Variants in DEPDC5 observed in about 807,000 individuals in gnomAD.
The protein encoded by DEPDC5 is GATOR1 complex protein DEPDC5.
Under a neutral mutation model 217.3 loss-of-function variants are expected in DEPDC5, and 73 were observed. The ratio of observed to expected loss-of-function variants is 0.34; its 90% CI spans 0.28 to 0.41. The LOEUF (loss-of-function observed/expected upper bound fraction) is 0.41. Among genes scored for constraint, DEPDC5 ranks in the 10% least tolerant of loss-of-function variants. The pLI, the probability that DEPDC5 is intolerant of heterozygous loss-of-function variation, is 1.00. For synonymous variants in DEPDC5, 733 were observed against 756.7 expected (o/e 0.97, Z 0.51); for missense variants, 1,675 against 2,070.1 (o/e 0.81, Z 3.70).
intron 36 of DEPDC5, 47 bp from the exon 37 acceptor site, chr22:31,876,110 C>T: frequency 6.3e-7 from 1 of 1,584,388 alleles, no homozygotes; most frequent in Non-Finnish European, 8.7e-7. Context: ...GCTGCCCCTT[C>T]AAGATGCCTC....
chr22:31,862,894 G>A (rs1191299510), intron 33 of DEPDC5, among the ~76,000 whole-genome samples: 2 of 152,198 alleles, frequency 1.3e-5, no homozygotes, highest in African/African-American at 2.4e-5. Context: ...AACATTGGTT[G>A]ATCCTTTTCA....
chr22:31,765,328 T>C lies in DEPDC5; in HGVS notation c.279+268T>C, dbSNP rs944293709. On this transcript the variant is annotated intron_variant, in intron 5 of 42. Transcript: ENST00000651528. Reference sequence around the variant, plus strand: ...TTTTTTTGAAATGGAGTATCACTGTTGCCCAGGCTGGAGTGCAGTGGCGTG... The same window carrying C: ...TTTTTTTGAAATGGAGTATCACTGTCGCCCAGGCTGGAGTGCAGTGGCGTG... Among the ~76,000 whole-genome samples the C allele has an allele frequency of 5.9e-5, 9 of 152,212 alleles. 1 individual carries two copies. Among genetic ancestry groups the C allele is most frequent in the African/African-American group, 2.2e-4 (9 of 41,552 alleles).
intron 39 of DEPDC5, 164 bp downstream of exon 39, chr22:31,893,915 A>G: frequency 3.7e-6 from 3 of 802,668 alleles, no homozygotes; most frequent in Non-Finnish European, 3.6e-6. Context: ...CATAGTAAAA[A>G]TTTTAAGCAA....
rs999501736 is a variant in DEPDC5, at chr22:31,757,818, C to T, written c.59-728C>T. Among the ~76,000 whole-genome samples the T allele has an allele frequency of 7.2e-5, 11 of 152,162 alleles. No individual in the cohort carries two copies. In the South Asian group the frequency reaches 1.9e-3, roughly 26 times the overall value. ...TCTTTCTGTCACTCAGGCTGGAGTGCAGTGGTGTGATTTCGGCTCACTGTA... is the reference window on the plus strand; with the variant it reads ...TCTTTCTGTCACTCAGGCTGGAGTGTAGTGGTGTGATTTCGGCTCACTGTA... On this transcript the variant is annotated intron_variant, in intron 2 of 42. Coordinates refer to ENST00000651528, the MANE Select transcript of DEPDC5 (RefSeq NM_001242896.3).
intron 39 of DEPDC5, among the ~76,000 whole-genome samples, chr22:31,897,049 G>A (rs574397739): frequency 6.6e-6 from 1 of 152,138 alleles, no homozygotes; most frequent in Non-Finnish European, 1.5e-5. Context: ...CCTGGGAGGC[G>A]GAGGTTGCAG....
intron 24 of DEPDC5, chr22:31,831,161 G>C (rs1049358545): frequency 2.0e-5 from 3 of 151,972 alleles, no homozygotes; most frequent in Non-Finnish European, 4.4e-5. Context: ...AAGAAATAGA[G>C]CATCTGTAAA....
chr22:31,757,857 G>A (rs1356797591), intron 2 of DEPDC5, among the ~76,000 whole-genome samples: 2 of 151,990 alleles, frequency 1.3e-5, no homozygotes, highest in African/African-American at 2.4e-5. Context: ...TCTGCCTCCC[G>A]GGTTCAAGTG....
intron 41 of DEPDC5, among the ~76,000 whole-genome samples, chr22:31,902,912 G>A (rs1468451473): frequency 1.3e-5 from 2 of 152,008 alleles, no homozygotes; most frequent in Non-Finnish European, 2.9e-5. Flanking sequence ...TTGCCCTGCT[G>A]GCAGGATGTC....
At chr22:31,886,618 G>A (rs1387600372) in intron 38 of DEPDC5, among the ~76,000 whole-genome samples, 1 of 150,476 alleles carries the variant, frequency 6.6e-6, no homozygotes, top group African/African-American at 2.5e-5. Context: ...AAATTAGCGA[G>A]GTGTGGTGGC....
Position 31,837,136 on chromosome 22 carries a change from C to A in DEPDC5, c.2335C>A (p.Pro779Thr). ...CACAGAGGGCTGTTATGATCTCCTTCCAGAAGCAGACATCGACAGGTCAGT... is the reference window on the plus strand; with the variant it reads ...CACAGAGGGCTGTTATGATCTCCTTACAGAAGCAGACATCGACAGGTCAGT... ...DYTEGCYDLL[P>T]EADIDRRDED... The change falls in exon 26 of 43, where the codon CCA becomes ACA. Residue 779 changes from proline (P) to threonine (T), a missense_variant. By Grantham distance (38) the Pro-to-Thr change is conservative (BLOSUM62 -1). Transcript: ENST00000651528. 1 of 1,614,134 alleles carries A rather than the reference C, an allele frequency of 6.2e-7. No individual in the cohort carries two copies. Among genetic ancestry groups the A allele is most frequent in the Non-Finnish European group, 8.5e-7 (1 of 1,180,012 alleles).
At chr22:31,787,211 T>C (rs542693688) in intron 10 of DEPDC5, among the ~76,000 whole-genome samples, 2 of 152,152 alleles carry the variant, frequency 1.3e-5, no homozygotes, top group East Asian at 3.9e-4. Flanking sequence ...TTAGCCTTAG[T>C]AGCTGAGACT....
intron 31 of DEPDC5, 84 bp downstream of exon 31, chr22:31,847,051 A>G (rs1228420054): frequency 1.9e-6 from 3 of 1,583,170 alleles, no homozygotes; most frequent in Non-Finnish European, 2.6e-6. Flanking sequence ...AGGGGGTGAA[A>G]TATTTCCTTT....
intron 12 of DEPDC5, 58 bp downstream of exon 12, chr22:31,792,875 C>A: frequency 7.2e-7 from 1 of 1,385,348 alleles, no homozygotes; most frequent in South Asian, 1.6e-5. Context: ...TCTTTCCTAA[C>A]TTAAAAATAA....
In DEPDC5 at chr22:31,904,685, G is replaced by A. The variant is rs897772955; in HGVS notation, c.4437-1299G>A. 5.9e-5 allele frequency among the ~76,000 whole-genome samples: 9 copies of A among 152,232 alleles called. 1 individual carries two copies. Among genetic ancestry groups the A allele is most frequent in the Admixed American group, 3.3e-4 (5 of 15,298 alleles). On this transcript the variant is annotated intron_variant, in intron 41 of 42. Transcript: ENST00000651528. Reference sequence around the variant, plus strand: ...CTTGAACCCGGGAGGTGGAGGTTGCGGTGAGCCAAGATTGTACCACTGCAG... The same window carrying A: ...CTTGAACCCGGGAGGTGGAGGTTGCAGTGAGCCAAGATTGTACCACTGCAG...
At chr22:31,858,834 A>G (rs1427737035) in intron 32 of DEPDC5, 1 of 152,200 alleles carries the variant, frequency 6.6e-6, no homozygotes, top group African/African-American at 2.4e-5. Context: ...TGCAGTGAAT[A>G]TGCTTGGAAT....
intron 5 of DEPDC5, among the ~76,000 whole-genome samples, chr22:31,766,067 T>A (rs188625131): frequency 1.9e-3 from 284 of 152,286 alleles, no homozygotes; most frequent in Admixed American, 3.3e-3. Context: ...CTACATGTCA[T>A]TTAGAATGTA....
At chr22:31,805,374 T>A (rs2087389021) in intron 17 of DEPDC5, among the ~76,000 whole-genome samples, 1 of 152,176 alleles carries the variant, frequency 6.6e-6, no homozygotes, top group South Asian at 2.1e-4. Flanking sequence ...AAAATGCCTA[T>A]TTTCTTCCAA....
chr22:31,812,023 C>G (rs2148722047), intron 20 of DEPDC5, among the ~76,000 whole-genome samples: 1 of 151,904 alleles, frequency 6.6e-6, no homozygotes, highest in African/African-American at 2.4e-5. Flanking sequence ...GCGTCTTGCC[C>G]TGTCTCCTAG....
At chr22:31,768,887 T>C (rs758593350) in intron 7 of DEPDC5, 24 bp downstream of exon 7, 5 of 1,612,084 alleles carry the variant, frequency 3.1e-6, no homozygotes, top group Admixed American at 1.7e-5. Flanking sequence ...CACTCTTGCC[T>C]TATCTGTGCA....
Sources: allele counts gnomAD v4.1 joint callset (sites outside exome capture counted in the v4.1 genomes callset), GRCh38; gene constraint gnomAD v4.1.1; transcripts MANE v1.5; gene names NCBI Gene and HGNC (gene_info 2026-07-23, HGNC 2026-07-21).